The following DLG2 variants were observed in gnomAD, a reference collection of about 807,000 sequenced individuals.
DLG2 encodes the protein disks large homolog 2.
Under a neutral mutation model 132.5 loss-of-function variants are expected in DLG2, and 45 were observed. The observed-to-expected ratio is 0.34, with a 90% CI of 0.27 to 0.44. The LOEUF is 0.44. Ranked by LOEUF, DLG2 falls within the 20% of genes least tolerant of loss-of-function variation. The probability of loss-of-function intolerance (pLI) is 1.00; values close to 1 mark genes in which losing one functional copy is unlikely to be tolerated. For synonymous variants in DLG2, 424 were observed against 419.6 expected (o/e 1.01, Z -0.13); for missense variants, 1,045 against 1,196.9 (o/e 0.87, Z 1.87).
intron 6 of DLG2, among the ~76,000 whole-genome samples, chr11:84,767,111 T>G (rs2068533442): frequency 6.6e-6 from 1 of 152,098 alleles, no homozygotes. Flanking sequence ...TACCCACCTC[T>G]CAGAGTTTGA....
chr11:84,064,691 A>G (rs1359238610), intron 10 of DLG2, among the ~76,000 whole-genome samples: 1 of 152,220 alleles, frequency 6.6e-6, no homozygotes, highest in Non-Finnish European at 1.5e-5. Context: ...GAATATATAA[A>G]GAGACTATAG....
intron 17 of DLG2, among the ~76,000 whole-genome samples, chr11:83,803,430 G>A (rs1486035431): frequency 6.6e-6 from 1 of 152,078 alleles, no homozygotes; most frequent in Non-Finnish European, 1.5e-5. Context: ...GTGAAAAAAT[G>A]TCCTTCCAAA....
At position 85,039,671 on chromosome 11, in the gene DLG2, A is replaced by G. The variant is rs190221291; in HGVS notation, c.357+71990T>C. Among the ~76,000 whole-genome samples the G allele has an allele frequency of 1.1e-3, 162 of 151,912 alleles. 1 individual carries two copies. The highest frequency in any genetic ancestry group is 3.7e-3 in the African/African-American group (152 of 41,450). ...GGACAATGTTTGAATTAGCACGAGA[A>G]ACAGGTTACCTAAGAGAAAGTTCAA... is the stretch of plus-strand genomic sequence containing the variant. On this transcript the variant is annotated intron_variant, in intron 6 of 27. Coordinates refer to ENST00000376104, the MANE Select transcript of DLG2 (RefSeq NM_001142699.3).
At chr11:84,297,716 A>C (rs1044147628) in intron 7 of DLG2, among the ~76,000 whole-genome samples, 4 of 152,022 alleles carry the variant, frequency 2.6e-5, no homozygotes, top group Admixed American at 2.6e-4. Flanking sequence ...ACTTTGAGTA[A>C]AATGCCGACT....
At chr11:83,868,702 C>T (rs545391218) in intron 16 of DLG2, among the ~76,000 whole-genome samples, 7 of 151,742 alleles carry the variant, frequency 4.6e-5, no homozygotes, top group African/African-American at 9.7e-5. Flanking sequence ...TTTCGACCAG[C>T]GACCCTAGCA....
chr11:83,510,339 A>C (rs1230652087), intron 21 of DLG2, among the ~76,000 whole-genome samples: 2 of 152,008 alleles, frequency 1.3e-5, no homozygotes, highest in Non-Finnish European at 2.9e-5. Context: ...GTCACTCCAG[A>C]CTCAGAGAGT....
At chr11:84,436,166 C>T (rs1161843283) in intron 7 of DLG2, among the ~76,000 whole-genome samples, 2 of 152,076 alleles carry the variant, frequency 1.3e-5, no homozygotes, top group Non-Finnish European at 2.9e-5. Context: ...GAGACCAATT[C>T]CAGCCCAATC....
At chr11:85,475,344 GA>G (rs893129125) in intron 3 of DLG2, among the ~76,000 whole-genome samples, 3 of 151,490 alleles carry the variant, frequency 2.0e-5, no homozygotes, top group African/African-American at 4.8e-5. Flanking sequence ...CTAAAAAATA[GA>G]AAAAAAATTA....
At chr11:85,156,422 T>C (rs1034164979) in intron 4 of DLG2, among the ~76,000 whole-genome samples, 1 of 152,186 alleles carries the variant, frequency 6.6e-6, no homozygotes, top group Non-Finnish European at 1.5e-5. Context: ...GATACATAGA[T>C]AGATGAACAA....
At chr11:83,571,074 G>T (rs1289099722) in intron 19 of DLG2, among the ~76,000 whole-genome samples, 1 of 152,024 alleles carries the variant, frequency 6.6e-6, no homozygotes, top group Non-Finnish European at 1.5e-5. Flanking sequence ...TAGAGACAGG[G>T]TTTCACCATG....
chr11:83,539,187 C>A (rs375467249), intron 20 of DLG2, among the ~76,000 whole-genome samples: 4 of 152,104 alleles, frequency 2.6e-5, no homozygotes, highest in East Asian at 3.8e-4. Flanking sequence ...AATTTATTCA[C>A]CATCTTCAGA....
At chr11:83,850,156 G>GTT (rs1555057362) in intron 16 of DLG2, among the ~76,000 whole-genome samples, 29 of 133,044 alleles carry the variant, frequency 2.2e-4, no homozygotes, top group African/African-American at 8.7e-4. Flanking sequence ...GTGTGTGTGT[G>GTT]TGTGTTTTTT....
At chr11:84,534,785 A>T (rs769150265) in intron 6 of DLG2, 54 bp from the exon 7 acceptor site, 42 of 1,581,802 alleles carry the variant, frequency 2.7e-5, no homozygotes, top group Non-Finnish European at 3.6e-5. Context: ...TTTGTAAAGG[A>T]TATAGACTGA....
chr11:85,450,076 C>T (rs571794077), intron 3 of DLG2, among the ~76,000 whole-genome samples: 1 of 152,084 alleles, frequency 6.6e-6, no homozygotes, highest in Non-Finnish European at 1.5e-5. Context: ...GCATGGTGAG[C>T]CAAGATCGCA....
intron 7 of DLG2, among the ~76,000 whole-genome samples, chr11:84,524,873 A>G (rs1396710142): frequency 6.7e-6 from 1 of 150,308 alleles, no homozygotes; most frequent in Non-Finnish European, 1.5e-5. Context: ...TTTTAAATTA[A>G]TCAAATACGT....
At chr11:84,059,541 ATAT>A in intron 10 of DLG2, 57 bp from the exon 11 acceptor site, 6 of 1,329,388 alleles carry the variant, frequency 4.5e-6, no homozygotes, top group Non-Finnish European at 6.1e-6. Flanking sequence ...TTCTTAAAGA[ATAT>A]TATTATGTTT....
At chr11:84,079,191 A>G (rs866269645) in intron 10 of DLG2, among the ~76,000 whole-genome samples, 11 of 151,850 alleles carry the variant, frequency 7.2e-5, no homozygotes, top group African/African-American at 2.4e-4. Context: ...AAATATGTCT[A>G]TTTCTCTCAA....
chr11:83,819,854 C>A (rs2050258710), intron 17 of DLG2, among the ~76,000 whole-genome samples: 1 of 152,156 alleles, frequency 6.6e-6, no homozygotes, highest in Non-Finnish European at 1.5e-5. Flanking sequence ...TAACATTTCT[C>A]ATTTTGAGCT....
chr11:85,284,485 T>C (rs1419175650), intron 4 of DLG2, among the ~76,000 whole-genome samples: 1 of 151,860 alleles, frequency 6.6e-6, no homozygotes, highest in Non-Finnish European at 1.5e-5. Flanking sequence ...AAAAATAGTG[T>C]GTGTGGGTAT....
Sources: gnomAD v4.1 joint callset for allele counts (sites outside exome capture counted in the v4.1 genomes callset) on GRCh38, gnomAD v4.1.1 for gene constraint, MANE v1.5 for transcripts, NCBI Gene and HGNC (gene_info 2026-07-23, HGNC 2026-07-21) for gene names.